PLD5: variants seen among roughly 807,000 people sequenced by gnomAD.
PLD5 encodes the protein phospholipase D family member 5.
PLD5 carries 36 observed loss-of-function variants against 61.1 expected under a neutral mutation model. The observed-to-expected ratio is 0.59, with a 90% CI of 0.45 to 0.78. The LOEUF is 0.78. Ranked by LOEUF, PLD5 falls within the 30% of genes least tolerant of loss-of-function variation. The pLI is 0.00. For missense variants in PLD5, 515 were observed against 644.4 expected, an observed-to-expected ratio of 0.80 and a Z score of 2.17; for synonymous variants, 243 against 242.8, an observed-to-expected ratio of 1.00 and a Z score of -0.01.
At chr1:242,348,010 T>G in intron 2 of PLD5, 96 bp downstream of exon 2, 1 of 1,473,190 alleles carries the variant, frequency 6.8e-7, no homozygotes, top group Non-Finnish European at 9.2e-7. Context: ...CCTGGATGAC[T>G]ACGTGTGTTT....
intron 7 of PLD5, among the ~76,000 whole-genome samples, chr1:242,111,829 A>G (rs1661528505): frequency 6.6e-6 from 1 of 152,248 alleles, no homozygotes; most frequent in South Asian, 2.1e-4. Flanking sequence ...TAAAAATACA[A>G]TAAAAGAAGT....
At chr1:242,114,102 C>T in intron 6 of PLD5, 76 bp from the exon 7 acceptor site, 2 of 1,519,868 alleles carry the variant, frequency 1.3e-6, no homozygotes, top group African/African-American at 1.4e-5. Context: ...CCTTTGTTTC[C>T]ACGGACCTTG....
intron 4 of PLD5, among the ~76,000 whole-genome samples, chr1:242,239,894 G>A (rs1020728831): frequency 3.3e-5 from 5 of 152,226 alleles, no homozygotes; most frequent in African/African-American, 1.2e-4. Context: ...TTGGGGAATT[G>A]AAAACTGTAC....
chr1:242,319,521 C>A (rs1355316456), intron 2 of PLD5, among the ~76,000 whole-genome samples: 2 of 151,940 alleles, frequency 1.3e-5, no homozygotes, highest in Admixed American at 6.6e-5. Context: ...TGCAAATCTG[C>A]CCCCCAGTTT....
At chr1:242,350,434 TACACAC>T (rs57955584) in intron 1 of PLD5, among the ~76,000 whole-genome samples, 1,618 of 145,396 alleles carry the variant, frequency 0.011, 13 homozygotes, top group African/African-American at 0.021. Flanking sequence ...TATACACACG[TACACAC>T]ACACACACAC....
At chr1:242,396,868 T>C (rs1195994871) in intron 1 of PLD5, among the ~76,000 whole-genome samples, 3 of 151,984 alleles carry the variant, frequency 2.0e-5, no homozygotes, top group African/African-American at 7.2e-5. Context: ...TTAGCAGAGA[T>C]GGGGTTTCAC....
chr1:242,188,574 T>G (rs982922007), intron 5 of PLD5: 1 of 151,846 alleles, frequency 6.6e-6, no homozygotes, highest in Non-Finnish European at 1.5e-5. Flanking sequence ...TCCTGTACAC[T>G]GTGGGCCACA....
chr1:242,293,368 T>C (rs1675479216), intron 2 of PLD5, among the ~76,000 whole-genome samples: 1 of 152,206 alleles, frequency 6.6e-6, no homozygotes, highest in Non-Finnish European at 1.5e-5. Flanking sequence ...TCAGTTACAG[T>C]CCAGCAAGGT....
At chr1:242,383,152 A>G (rs1414320088) in intron 1 of PLD5, among the ~76,000 whole-genome samples, 1 of 152,064 alleles carries the variant, frequency 6.6e-6, no homozygotes, top group Non-Finnish European at 1.5e-5. Context: ...CACGTTTTTT[A>G]TCTTGAATTT....
chr1:242,395,006 AATATAT>A (rs1491125376), intron 1 of PLD5, among the ~76,000 whole-genome samples: 2 of 109,032 alleles, frequency 1.8e-5, no homozygotes, highest in East Asian at 6.3e-4. Context: ...TGTATATATG[AATATAT>A]ATGAATATAT....
At chr1:242,139,867 G>T (rs549772317) in intron 5 of PLD5, among the ~76,000 whole-genome samples, 2 of 152,250 alleles carry the variant, frequency 1.3e-5, no homozygotes, top group Admixed American at 6.5e-5. Flanking sequence ...TCTGCTTGCC[G>T]CTTGGCCAGG....
chr1:242,479,248 C>T (rs1667694082), intron 1 of PLD5, among the ~76,000 whole-genome samples: 1 of 152,146 alleles, frequency 6.6e-6, no homozygotes, highest in African/African-American at 2.4e-5. Flanking sequence ...GTAAACTTTC[C>T]TGATGTGCAG....
intron 5 of PLD5, among the ~76,000 whole-genome samples, chr1:242,174,365 G>C (rs975815905): frequency 4.6e-5 from 7 of 152,214 alleles, no homozygotes; most frequent in African/African-American, 1.4e-4. Context: ...CCTCACACCA[G>C]TTAGAATGGC....
intron 1 of PLD5, among the ~76,000 whole-genome samples, chr1:242,379,434 G>A (rs1489166905): frequency 6.6e-6 from 1 of 152,200 alleles, no homozygotes; most frequent in African/African-American, 2.4e-5. Flanking sequence ...GGGAATGGGG[G>A]CACCACCAGC....
intron 5 of PLD5, among the ~76,000 whole-genome samples, chr1:242,166,800 T>A (rs2148863649): frequency 6.6e-6 from 1 of 152,288 alleles, no homozygotes; most frequent in African/African-American, 2.4e-5. Context: ...ACATAGTTTT[T>A]CAGGAAGGAA....
chr1:242,430,579 T>C (rs1665664094), intron 1 of PLD5, among the ~76,000 whole-genome samples: 2 of 152,200 alleles, frequency 1.3e-5, no homozygotes, highest in East Asian at 3.9e-4. Flanking sequence ...GCTCATGTGC[T>C]TGCCATCCAC....
chr1:242,085,967 C>A lies in PLD5; in HGVS notation c.*3887G>T, dbSNP rs2148632156. 1 of 152,208 alleles carries A rather than the reference C, an allele frequency of 6.6e-6. No individual in the cohort carries two copies. The highest frequency in any genetic ancestry group is 2.1e-4 in the South Asian group (1 of 4,810). 9.4% of individuals were successfully genotyped at this position (152,208 alleles called of 1,614,324 possible). ...AAGAAATTCTTATGGTCTTTTCTCC[C>A]CCCTTGGAATTTAGTTCAATAAAAG... is the stretch of plus-strand genomic sequence containing the variant. On this transcript the variant is annotated 3_prime_UTR_variant, in exon 10 of 10. Coordinates refer to ENST00000536534, the MANE Select transcript of PLD5 (RefSeq NM_001372062.1).
intron 1 of PLD5, among the ~76,000 whole-genome samples, chr1:242,460,920 A>G (rs928941270): frequency 2.0e-5 from 3 of 151,886 alleles, no homozygotes; most frequent in African/African-American, 7.3e-5. Context: ...TGAGTGGATC[A>G]CCTGAGGTCA....
Position 242,377,242 on chromosome 1 carries a change from G to C in PLD5, c.190-29000C>G. On this transcript the variant is annotated intron_variant, in intron 1 of 9. Coordinates refer to ENST00000536534, the MANE Select transcript of PLD5 (RefSeq NM_001372062.1). ...TGGTAGGAAGAACCATCCGATTTGT[G>C]CTGAGGGACGTGTTCGTGGAACTGC... 1.9e-6 allele frequency: 3 copies of C among 1,610,906 alleles called. No individual in the cohort carries two copies. In the South Asian group the frequency reaches 3.3e-5, roughly 18 times the overall value.
Sources: gnomAD v4.1 joint callset for allele counts (sites outside exome capture counted in the v4.1 genomes callset) on GRCh38, gnomAD v4.1.1 for gene constraint, MANE v1.5 for transcripts, NCBI Gene and HGNC (gene_info 2026-07-23, HGNC 2026-07-21) for gene names.